VSX1: variants seen among roughly 807,000 people sequenced by gnomAD.
The protein encoded by VSX1 is homeodomain protein RINX.
A neutral mutation model predicts 23.6 loss-of-function variants in VSX1; 23 were observed. The ratio of observed to expected loss-of-function variants is 0.97; its 90% CI spans 0.70 to 1.38. The LOEUF (loss-of-function observed/expected upper bound fraction) is 1.38, where lower values mean the gene tolerates loss of function less well. Among genes scored for constraint, VSX1 ranks in the 40% most tolerant of loss-of-function variants. The pLI is 0.00. For synonymous variants in VSX1, 247 were observed against 215.1 expected (o/e 1.15, Z -1.30); for missense variants, 517 against 495.4 (o/e 1.04, Z -0.41).
rs2089486163 is a variant in VSX1 at position 25,076,179 on chromosome 20, G to A, written c.*82C>T. ...GAAGAAAATCAAACTGAGAGTATAT[G>A]TCTTGGACAATTTTTGTCTTTTGGA... is the stretch of plus-strand genomic sequence containing the variant. On this transcript the variant is annotated 3_prime_UTR_variant, in exon 5 of 5. Transcript: ENST00000376709. The A allele has an allele frequency of 1.9e-6, 3 of 1,590,538 alleles. No individual in the cohort carries two copies. The highest frequency in any genetic ancestry group is 2.2e-5 in the East Asian group (1 of 44,778).
chr20:25,077,654 G>C, intron 4 of VSX1, 31 bp downstream of exon 4: 1 of 1,541,128 alleles, frequency 6.5e-7, no homozygotes, highest in Non-Finnish European at 8.7e-7. Flanking sequence ...ACAACACCTC[G>C]AGCCGTGCGA....
chr20:25,077,250 A>G (rs1224740751), intron 4 of VSX1, among the ~76,000 whole-genome samples: 1 of 152,172 alleles, frequency 6.6e-6, no homozygotes, highest in Non-Finnish European at 1.5e-5. Flanking sequence ...TCATGGCAGA[A>G]CCAAGCCCGG....
intron 3 of VSX1, chr20:25,078,119 T>G (rs2089550935): frequency 7.0e-6 from 4 of 573,360 alleles, no homozygotes; most frequent in Middle Eastern, 4.6e-4. Context: ...CCACGTCCAC[T>G]GAAGTTTCCA....
intron 2 of VSX1, among the ~76,000 whole-genome samples, 176 bp from the exon 3 acceptor site, chr20:25,079,128 C>T (rs540203528): frequency 2.0e-5 from 3 of 152,178 alleles, no homozygotes; most frequent in Non-Finnish European, 2.9e-5. Context: ...TTGATTCAAA[C>T]GAAAACAGTT....
intron 4 of VSX1, among the ~76,000 whole-genome samples, chr20:25,077,177 C>T (rs2089515800): frequency 6.6e-6 from 1 of 152,148 alleles, no homozygotes. Flanking sequence ...TGCTGGGTCT[C>T]AGCAGCGGAG....
In VSX1 at chr20:25,075,957, C is replaced by A. The variant is rs1237520716; in HGVS notation, c.*304G>T. 5.1e-5 allele frequency: 23 copies of A among 447,476 alleles called. No individual in the cohort carries two copies. Among genetic ancestry groups the A allele is most frequent in the South Asian group, 5.0e-4 (23 of 46,042 alleles). The allele number at this position is 447,476 out of a possible 1,614,324, so 27.7% of individuals were successfully genotyped here. On this transcript the variant is annotated 3_prime_UTR_variant, in exon 5 of 5. Coordinates refer to ENST00000376709, the MANE Select transcript of VSX1 (RefSeq NM_014588.6). ...TTGAACCACACATCTCAAATGATGC[C>A]CAGCAGTGAAATCATTTTTGAACTT...
Position 25,078,960 on chromosome 20 carries a change from G to A in VSX1, c.504-8C>T. The A allele has an allele frequency of 6.2e-7, 1 of 1,613,342 alleles. No homozygotes were observed. Among genetic ancestry groups the A allele is most frequent in the Non-Finnish European group, 8.5e-7 (1 of 1,180,016 alleles). On this transcript the variant is annotated splice_region_variant and splice_polypyrimidine_tract_variant and intron_variant, in intron 2 of 4. Transcript: ENST00000376709. ...TGAGCAGTGAAAACTGTCCTGCAAG[G>A]ACCCCAAAACACACAGGTGGGCACA...
intron 1 of VSX1, among the ~76,000 whole-genome samples, chr20:25,081,040 A>T (rs909461936): frequency 6.6e-6 from 1 of 152,170 alleles, no homozygotes; most frequent in African/African-American, 2.4e-5. Context: ...CTTTGGGGAA[A>T]TGGGTAGGCC....
chr20:25,078,991 C>T (rs1224949012), intron 2 of VSX1, 39 bp from the exon 3 acceptor site: 8 of 1,612,324 alleles, frequency 5.0e-6, no homozygotes, highest in Non-Finnish European at 6.8e-6. Context: ...GCACATGTCC[C>T]CTGGGGACAG....
rs780048386 is a variant in VSX1 at position 25,076,432 on chromosome 20, C to T, written c.927G>A (p.Gln309=). 13 of 1,614,194 alleles carry T rather than the reference C, an allele frequency of 8.1e-6. No homozygotes were observed. The highest frequency in any genetic ancestry group is 1.1e-5 in the Non-Finnish European group (13 of 1,180,040). ...EGSSQSESGS[Q]RGSDKVSPEN... The stretch of plus-strand genomic sequence containing the variant: ...CAGGGCTCACTTTATCTGAGCCTCT[C>T]TGTGATCCTGACTCACTCTGGCTAG... Residue 309 remains glutamine, a synonymous_variant, in exon 5 of 5, where the codon CAG becomes CAA. Transcript: ENST00000376709.
intron 4 of VSX1, 150 bp from the exon 5 acceptor site, chr20:25,076,700 A>G (rs2089501317): frequency 3.3e-6 from 3 of 908,416 alleles, no homozygotes; most frequent in South Asian, 1.8e-5. Flanking sequence ...GCAGGTAGGT[A>G]ACTCCCACCT....
At chr20:25,075,106 C>T (rs1647538299), downstream of VSX1, among the ~76,000 whole-genome samples, 1 of 152,220 alleles carries the variant, frequency 6.6e-6, no homozygotes, top group Admixed American at 6.5e-5. Flanking sequence ...CTTCTGTTTT[C>T]TCACCTGCAG....
At chr20:25,074,375 T>C (rs974408306), downstream of VSX1, among the ~76,000 whole-genome samples, 1 of 152,204 alleles carries the variant, frequency 6.6e-6, no homozygotes, top group Non-Finnish European at 1.5e-5. Flanking sequence ...AATATTAACC[T>C]GCCATATTGA....
chr20:25,076,697 G>T, intron 4 of VSX1, 147 bp from the exon 5 acceptor site: 1 of 937,474 alleles, frequency 1.1e-6, no homozygotes, highest in Non-Finnish European at 1.6e-6. Context: ...GAGGCAGGTA[G>T]GTAACTCCCA....
intron 4 of VSX1, 114 bp from the exon 5 acceptor site, chr20:25,076,664 G>A: frequency 7.9e-7 from 1 of 1,271,238 alleles, no homozygotes; most frequent in Non-Finnish European, 1.1e-6. Context: ...CCTTGTCAGT[G>A]CCTATCTCTG....
chr20:25,079,195 G>T (rs147400677), intron 2 of VSX1, among the ~76,000 whole-genome samples: 4 of 152,310 alleles, frequency 2.6e-5, no homozygotes, highest in Admixed American at 6.5e-5. Context: ...CCATTTGACA[G>T]ATCCACAAAA....
chr20:25,081,443 A>T, intron 1 of VSX1: 1 of 789,956 alleles, frequency 1.3e-6, no homozygotes, highest in Non-Finnish European at 2.3e-6. Context: ...TGGCGGTCTC[A>T]CATCGCTGAG....
In VSX1 at chr20:25,075,970, C is replaced by G; in HGVS notation, c.*291G>C. The G allele has an allele frequency of 2.1e-6, 1 of 472,774 alleles. No homozygotes were observed. The highest frequency in any genetic ancestry group is 4.2e-5 in the East Asian group (1 of 23,972). The allele number at this position is 472,774 out of a possible 1,614,324, so 29.3% of individuals were successfully genotyped here. A position where few individuals can be genotyped will look rare whatever the true frequency, so the allele number is the denominator to read the frequency against. The stretch of plus-strand genomic sequence containing the variant: ...CTCAAATGATGCCCAGCAGTGAAAT[C>G]ATTTTTGAACTTCGGATCCTCCCTG... On this transcript the variant is annotated 3_prime_UTR_variant, in exon 5 of 5. Transcript: ENST00000376709.
rs751315966 is a variant in VSX1 at position 25,076,291 on chromosome 20, C to A, written c.1068G>T (p.Gly356=). 2.5e-6 allele frequency: 4 copies of A among 1,614,214 alleles called. No individual in the cohort carries two copies. The highest frequency in any genetic ancestry group is 1.1e-5 in the South Asian group (1 of 91,084). Residue 356 remains glycine, a synonymous_variant, in exon 5 of 5, where the codon GGG becomes GGT. Coordinates refer to ENST00000376709, the MANE Select transcript of VSX1 (RefSeq NM_014588.6). ...TGGCTCCCACCTTCCCTGGCTGGGGCCCCTCCAGTGCCGTGGAGTTGGAGC... is the reference window on the plus strand; with the variant it reads ...TGGCTCCCACCTTCCCTGGCTGGGGACCCTCCAGTGCCGTGGAGTTGGAGC... ...QGGSNSTALE[G]PQPGKVGAT is the part of the protein sequence containing the mutation.
Sources: gnomAD v4.1 joint callset for allele counts (sites outside exome capture counted in the v4.1 genomes callset) on GRCh38, gnomAD v4.1.1 for gene constraint, MANE v1.5 for transcripts, NCBI Gene and HGNC (gene_info 2026-07-23, HGNC 2026-07-21) for gene names.